Variants in SOX5 observed in about 807,000 individuals in gnomAD.
SOX5 encodes transcription factor SOX-5.
Under a neutral mutation model 92.0 loss-of-function variants are expected in SOX5, and 9 were observed. That is an observed-to-expected ratio of 0.10 (90% CI 0.06 to 0.17). The LOEUF is 0.17. Among genes scored for constraint, SOX5 ranks in the 10% least tolerant of loss-of-function variants. The probability of loss-of-function intolerance (pLI) is 1.00; values close to 1 mark genes in which losing one functional copy is unlikely to be tolerated. For missense variants in SOX5, 642 were observed against 944.5 expected, an observed-to-expected ratio of 0.68 and a Z score of 4.20; for synonymous variants, 344 against 336.3, an observed-to-expected ratio of 1.02 and a Z score of -0.25.
intron 2 of SOX5, among the ~76,000 whole-genome samples, chr12:23,891,886 T>G (rs1447519867): frequency 6.6e-6 from 1 of 152,150 alleles, no homozygotes; most frequent in Non-Finnish European, 1.5e-5. Context: ...TCTGGATATA[T>G]TATACATTAG....
chr12:23,649,094 A>C (rs980643339), intron 7 of SOX5, among the ~76,000 whole-genome samples: 1 of 152,162 alleles, frequency 6.6e-6, no homozygotes, highest in Non-Finnish European at 1.5e-5. Flanking sequence ...TGGTTACAAC[A>C]AAGTGAATAC....
intron 1 of SOX5, among the ~76,000 whole-genome samples, chr12:24,507,748 T>C (rs1233246201): frequency 2.0e-5 from 3 of 152,174 alleles, no homozygotes; most frequent in East Asian, 3.8e-4. Context: ...TGAAATTGTA[T>C]GGTATCTTGA....
chr12:24,247,840 G>A (rs556239515), intron 3 of SOX5, among the ~76,000 whole-genome samples: 1 of 151,818 alleles, frequency 6.6e-6, no homozygotes, highest in African/African-American at 2.4e-5. Context: ...TTTTAGTAGA[G>A]ACGGGGTTTC....
chr12:24,436,857 C>T (rs777277611), intron 1 of SOX5, among the ~76,000 whole-genome samples: 48 of 152,228 alleles, frequency 3.2e-4, no homozygotes, highest in South Asian at 1.2e-3. Context: ...TGAAAGCCAA[C>T]GCTTATTTAC....
At chr12:23,890,072 C>A (rs1172511441) in intron 2 of SOX5, among the ~76,000 whole-genome samples, 1 of 152,108 alleles carries the variant, frequency 6.6e-6, no homozygotes, top group Non-Finnish European at 1.5e-5. Context: ...GTAAACCCAG[C>A]ACATTGGGAG....
At chr12:24,077,628 G>T (rs904650615) in intron 4 of SOX5, among the ~76,000 whole-genome samples, 5 of 151,460 alleles carry the variant, frequency 3.3e-5, no homozygotes, top group African/African-American at 1.2e-4. Flanking sequence ...GCTTCGCTCT[G>T]GAAAGAAAGC....
At chr12:23,746,968 C>T (rs984848505) in intron 4 of SOX5, among the ~76,000 whole-genome samples, 8 of 152,050 alleles carry the variant, frequency 5.3e-5, no homozygotes, top group African/African-American at 1.4e-4. Context: ...TCTTGTCTGC[C>T]GCCATGTTTA....
intron 3 of SOX5, among the ~76,000 whole-genome samples, chr12:24,255,272 T>A (rs1162906573): frequency 6.6e-6 from 1 of 152,192 alleles, no homozygotes; most frequent in Non-Finnish European, 1.5e-5. Context: ...AAGAAGCAAT[T>A]GTTGCCCCTA....
intron 10 of SOX5, among the ~76,000 whole-genome samples, chr12:23,574,964 C>G (rs1466066447): frequency 6.6e-6 from 1 of 152,160 alleles, no homozygotes; most frequent in Admixed American, 6.5e-5. Context: ...TCTCCCTTAA[C>G]TAAACCATGA....
chr12:23,574,279 C>G (rs1948795205), intron 10 of SOX5, among the ~76,000 whole-genome samples: 1 of 152,110 alleles, frequency 6.6e-6, no homozygotes, highest in African/African-American at 2.4e-5. Flanking sequence ...AAAATTCTAG[C>G]ACATCTTTTA....
chr12:24,361,738 G>A (rs542012953), intron 2 of SOX5, among the ~76,000 whole-genome samples: 29 of 152,232 alleles, frequency 1.9e-4, no homozygotes, highest in African/African-American at 6.3e-4. Context: ...AATTTTAAAC[G>A]ATGGTTAAAA....
chr12:23,616,848 T>C (rs1592618086), intron 8 of SOX5, among the ~76,000 whole-genome samples: 1 of 152,062 alleles, frequency 6.6e-6, no homozygotes. Flanking sequence ...GACTGTCTGC[T>C]GAGGCTCAAG....
chr12:23,770,871 G>C (rs559261900), intron 3 of SOX5, among the ~76,000 whole-genome samples: 1 of 152,244 alleles, frequency 6.6e-6, no homozygotes, highest in South Asian at 2.1e-4. Context: ...CCTCTATTCA[G>C]TTGGTTTGGG....
chr12:24,165,495 G>C (rs1049110393), intron 4 of SOX5, among the ~76,000 whole-genome samples: 1 of 152,044 alleles, frequency 6.6e-6, no homozygotes, highest in Admixed American at 6.6e-5. Flanking sequence ...GAAATTCAAT[G>C]CCCTCATTTT....
chr12:24,095,143 AGAG>A (rs1569540881), intron 4 of SOX5, among the ~76,000 whole-genome samples: 12 of 133,582 alleles, frequency 9.0e-5, no homozygotes, highest in East Asian at 3.9e-4. Context: ...AGAGAGAGAG[AGAG>A]AGAGAGAGAG....
intron 3 of SOX5, among the ~76,000 whole-genome samples, chr12:24,262,524 C>T (rs1274340531): frequency 3.3e-5 from 5 of 152,180 alleles, no homozygotes; most frequent in Non-Finnish European, 1.5e-5. Context: ...AGATAATCTA[C>T]ATGGGCAAAC....
Position 23,989,218 on chromosome 12 carries a change from CAAAAAAAAA to C in SOX5, c.-1-93203_-1-93195del, listed in dbSNP as rs554892984. On this transcript the variant is annotated intron_variant, in intron 4 of 4. Transcript: ENST00000446891. Reference sequence around the variant, plus strand: ...CAAAACCCTGTCTCTGCCAAAAATACAAAAAAAAAAAAAAAAAAAAAAAATTAGCTAGGC... The same window carrying C: ...CAAAACCCTGTCTCTGCCAAAAATACAAAAAAAAAAAAAAATTAGCTAGGC... Among the ~76,000 whole-genome samples the C allele has an allele frequency of 9.6e-5, 10 of 104,448 alleles. No homozygotes were observed. The East Asian group carries it at 1.6e-3, about 17-fold the overall frequency. 68.5% of individuals were successfully genotyped at this position (104,448 alleles called of 152,430 possible).
intron 3 of SOX5, among the ~76,000 whole-genome samples, chr12:24,242,181 G>A (rs1032102486): frequency 3.9e-5 from 6 of 152,140 alleles, no homozygotes; most frequent in African/African-American, 1.4e-4. Context: ...AATAACATTT[G>A]AAAACCTTAA....
intron 10 of SOX5, among the ~76,000 whole-genome samples, chr12:23,564,413 T>A (rs1245023519): frequency 6.6e-6 from 1 of 152,240 alleles, no homozygotes. Flanking sequence ...AAAATGAATC[T>A]GTAATACGAA....
Sources: allele counts gnomAD v4.1 joint callset (sites outside exome capture counted in the v4.1 genomes callset), GRCh38; gene constraint gnomAD v4.1.1; transcripts MANE v1.5; gene names NCBI Gene and HGNC (gene_info 2026-07-23, HGNC 2026-07-21).